The following ZFHX3 variants were observed in gnomAD, a reference collection of about 807,000 sequenced individuals.
ZFHX3 encodes the protein zinc finger homeobox 3.
In ZFHX3, 42 loss-of-function variants were observed where a neutral mutation model predicts 279.1. The observed-to-expected ratio is 0.15, with a 90% CI of 0.12 to 0.19. The LOEUF (loss-of-function observed/expected upper bound fraction) is 0.19, where lower values mean the gene tolerates loss of function less well. Among genes scored for constraint, ZFHX3 ranks in the 10% least tolerant of loss-of-function variants. The probability of loss-of-function intolerance (pLI) is 1.00; values close to 1 mark genes in which losing one functional copy is unlikely to be tolerated. For synonymous variants in ZFHX3, 2,293 were observed against 1,957.8 expected, an observed-to-expected ratio of 1.17 and a Z score of -4.52; for missense variants, 4,981 against 4,754.0, an observed-to-expected ratio of 1.05 and a Z score of -1.40.
chr16:73,436,435 C>A (rs1029286235), intron 3 of ZFHX3, among the ~76,000 whole-genome samples: 2 of 152,092 alleles, frequency 1.3e-5, no homozygotes, highest in East Asian at 3.9e-4. Context: ...AGAATGAGAA[C>A]CAAGTGAAAG....
chr16:72,837,358 T>G (rs2037218040), intron 4 of ZFHX3, among the ~76,000 whole-genome samples: 1 of 152,172 alleles, frequency 6.6e-6, no homozygotes, highest in South Asian at 2.1e-4. Context: ...CAAAACTGCC[T>G]TCTCAAAGAT....
chr16:73,238,977 T>C (rs1040590511), intron 5 of ZFHX3, among the ~76,000 whole-genome samples: 1 of 152,112 alleles, frequency 6.6e-6, no homozygotes, highest in Non-Finnish European at 1.5e-5. Flanking sequence ...CTATTCCTGC[T>C]TCCCTCTCCC....
intron 3 of ZFHX3, among the ~76,000 whole-genome samples, chr16:73,348,707 C>T (rs1326600362): frequency 6.6e-6 from 1 of 152,198 alleles, no homozygotes; most frequent in Non-Finnish European, 1.5e-5. Context: ...TGCACTGAAC[C>T]CTTGGTGCTC....
chr16:73,444,955 T>TA (rs56235953), intron 3 of ZFHX3, among the ~76,000 whole-genome samples: 47 of 68,472 alleles, frequency 6.9e-4, no homozygotes, highest in South Asian at 4.8e-3. Flanking sequence ...CCATCTATAC[T>TA]AAAAAAAAAA....
intron 1 of ZFHX3, among the ~76,000 whole-genome samples, chr16:73,786,832 T>C (rs987280064): frequency 4.6e-5 from 7 of 152,148 alleles, no homozygotes; most frequent in Admixed American, 3.9e-4. Context: ...TTCCAGCCAG[T>C]TGTCCTATTC....
At chr16:73,466,592 A>G (rs2018576439) in intron 2 of ZFHX3, among the ~76,000 whole-genome samples, 1 of 152,134 alleles carries the variant, frequency 6.6e-6, no homozygotes, top group Admixed American at 6.5e-5. Context: ...TCTTATCCGG[A>G]AAAGGGAAAA....
intron 1 of ZFHX3, among the ~76,000 whole-genome samples, chr16:73,734,038 C>G (rs539582013): frequency 6.6e-6 from 1 of 152,262 alleles, no homozygotes; most frequent in Non-Finnish European, 1.5e-5. Context: ...CTCAGATCAT[C>G]AGGCATTAGA....
At chr16:73,759,497 G>A (rs1209413391) in intron 1 of ZFHX3, among the ~76,000 whole-genome samples, 1 of 152,154 alleles carries the variant, frequency 6.6e-6, no homozygotes, top group East Asian at 1.9e-4. Context: ...AAAAATTCTT[G>A]TTAAATAGGA....
At chr16:73,777,976 GC>G (rs1285634573) in intron 1 of ZFHX3, among the ~76,000 whole-genome samples, 3 of 152,086 alleles carry the variant, frequency 2.0e-5, no homozygotes, top group Admixed American at 6.5e-5. Flanking sequence ...GCTACACTGA[GC>G]CATGTTCATG....
chr16:73,503,823 GT>G (rs1394990206), intron 2 of ZFHX3, among the ~76,000 whole-genome samples: 1 of 152,218 alleles, frequency 6.6e-6, no homozygotes, highest in Non-Finnish European at 1.5e-5. Context: ...TTTGGTAACA[GT>G]TTTGACCTGT....
intron 4 of ZFHX3, among the ~76,000 whole-genome samples, chr16:72,833,358 C>T (rs542220545): frequency 6.6e-6 from 1 of 152,200 alleles, no homozygotes; most frequent in South Asian, 2.1e-4. Context: ...GCATTCCCCC[C>T]TCTTCTGCGA....
chr16:73,871,108 T>C (rs768208800), intron 1 of ZFHX3, among the ~76,000 whole-genome samples: 1 of 152,180 alleles, frequency 6.6e-6, no homozygotes, highest in Non-Finnish European at 1.5e-5. Context: ...CAAGTTGTAA[T>C]TGTTTACTTA....
At chr16:73,795,061 G>A (rs186105063) in intron 1 of ZFHX3, among the ~76,000 whole-genome samples, 1 of 152,172 alleles carries the variant, frequency 6.6e-6, no homozygotes, top group Non-Finnish European at 1.5e-5. Context: ...CTTGGAACAA[G>A]TATTGGCTCA....
chr16:73,049,060 C>T (rs1347104610), upstream of ZFHX3, among the ~76,000 whole-genome samples: 3 of 152,120 alleles, frequency 2.0e-5, no homozygotes, highest in Non-Finnish European at 4.4e-5. Context: ...GATTGCTGGG[C>T]GCCTTTCTAT....
intron 4 of ZFHX3, among the ~76,000 whole-genome samples, chr16:73,307,168 G>C (rs2015201486): frequency 1.3e-5 from 2 of 152,220 alleles, no homozygotes; most frequent in South Asian, 2.1e-4. Flanking sequence ...TAGCTGAGGA[G>C]ATAGCAGCCC....
At chr16:73,226,688 A>T (rs1040895619) in intron 5 of ZFHX3, among the ~76,000 whole-genome samples, 1 of 152,234 alleles carries the variant, frequency 6.6e-6, no homozygotes, top group Non-Finnish European at 1.5e-5. Flanking sequence ...TTGTTTTCAT[A>T]TATTTGAATT....
At chr16:73,154,916 GTAATCC>G (rs1402322429) in intron 5 of ZFHX3, among the ~76,000 whole-genome samples, 1 of 152,132 alleles carries the variant, frequency 6.6e-6, no homozygotes. Context: ...GCTCACGTCT[GTAATCC>G]TAGCACTTTG....
chr16:72,825,374 T>G (rs2036906053), intron 5 of ZFHX3, among the ~76,000 whole-genome samples: 1 of 152,262 alleles, frequency 6.6e-6, no homozygotes, highest in Admixed American at 6.5e-5. Flanking sequence ...AAACTAGATC[T>G]AATGATCAAA....
At chr16:73,283,281 G>C (rs1387693648) in intron 4 of ZFHX3, among the ~76,000 whole-genome samples, 1 of 152,178 alleles carries the variant, frequency 6.6e-6, no homozygotes, top group Non-Finnish European at 1.5e-5. Context: ...TGCGCTTACT[G>C]ATGTTATGAC....
Sources: allele counts gnomAD v4.1 joint callset (sites outside exome capture counted in the v4.1 genomes callset), GRCh38; gene constraint gnomAD v4.1.1; transcripts MANE v1.5; gene names NCBI Gene and HGNC (gene_info 2026-07-23, HGNC 2026-07-21).